Variants in CDYL2 observed in about 807,000 individuals in gnomAD.
CDYL2 encodes the protein chromodomain Y-like protein 2.
CDYL2 carries 23 observed loss-of-function variants against 49.4 expected under a neutral mutation model. The observed-to-expected ratio is 0.47, with a 90% confidence interval of 0.34 to 0.66. CDYL2 has a LOEUF of 0.66. Ranked by LOEUF, CDYL2 falls within the 30% of genes least tolerant of loss-of-function variation. The pLI is 0.01. For synonymous variants in CDYL2, 360 were observed against 268.8 expected, an observed-to-expected ratio of 1.34 and a Z score of -3.32; for missense variants, 678 against 656.4, an observed-to-expected ratio of 1.03 and a Z score of -0.36.
chr16:80,666,383 T>A (rs1367816608), intron 2 of CDYL2, among the ~76,000 whole-genome samples: 2 of 152,192 alleles, frequency 1.3e-5, no homozygotes, highest in African/African-American at 4.8e-5. Flanking sequence ...ATTACATGAT[T>A]TGGGCATTCG....
intron 6 of CDYL2, among the ~76,000 whole-genome samples, chr16:80,607,837 G>C (rs144084935): frequency 9.6e-4 from 146 of 152,272 alleles, no homozygotes; most frequent in African/African-American, 3.3e-3. Context: ...AAGCAGTGAC[G>C]CTACCCTAGA....
rs560048932 is a variant in CDYL2 at position 80,612,334 on chromosome 16, C to T, written c.1218+292G>A. Among the ~76,000 whole-genome samples the T allele has an allele frequency of 3.3e-5, 5 of 152,130 alleles. No homozygotes were observed. The highest frequency in any genetic ancestry group is 7.2e-5 in the African/African-American group (3 of 41,416). ...GTTTTGTTGTTAAAGCCACTGAGACCGTGGGCTGCTTGTCACAGCACCCAG... is the reference window on the plus strand; with the variant it reads ...GTTTTGTTGTTAAAGCCACTGAGACTGTGGGCTGCTTGTCACAGCACCCAG... On this transcript the variant is annotated intron_variant, in intron 5 of 6. Transcript: ENST00000570137. The surrounding 1 kb of genome is among the most constrained non-coding windows in gnomAD (Gnocchi z 5.0).
intron 1 of CDYL2, among the ~76,000 whole-genome samples, chr16:80,771,785 A>G (rs1295543420): frequency 6.6e-6 from 1 of 152,182 alleles, no homozygotes; most frequent in Non-Finnish European, 1.5e-5. Context: ...AGTAAAAAAT[A>G]TAATGCCCAA....
intron 2 of CDYL2, chr16:80,670,793 C>G: frequency 2.5e-6 from 1 of 402,648 alleles, no homozygotes. Flanking sequence ...ATCGAGGCCT[C>G]GAGGCTGGCG....
At chr16:80,749,052 C>G (rs941004217) in intron 1 of CDYL2, among the ~76,000 whole-genome samples, 51 of 152,150 alleles carry the variant, frequency 3.4e-4, no homozygotes, top group African/African-American at 1.0e-3. Context: ...GTGGTTCTAA[C>G]TGTACCTAAA....
chr16:80,622,666 C>A lies in CDYL2; in HGVS notation c.835-1731G>T, dbSNP rs1200570809. 2.0e-5 allele frequency among the ~76,000 whole-genome samples: 3 copies of A among 152,146 alleles called. No homozygotes were observed. In the South Asian group the frequency reaches 6.2e-4, roughly 32 times the overall value. Reference sequence around the variant, plus strand: ...ACTCCCTCATAGCCCTTTTCCTCAACTTCAGAGGAAATTAGGCAGGCTGCT... The same window carrying A: ...ACTCCCTCATAGCCCTTTTCCTCAAATTCAGAGGAAATTAGGCAGGCTGCT... On this transcript the variant is annotated intron_variant, in intron 3 of 6. Transcript: ENST00000570137.
intron 4 of CDYL2, among the ~76,000 whole-genome samples, chr16:80,615,507 C>T (rs1324021060): frequency 2.6e-5 from 4 of 152,042 alleles, no homozygotes; most frequent in African/African-American, 9.7e-5. Context: ...CTCTGCTGGA[C>T]GTTTTTAATA....
intron 2 of CDYL2, among the ~76,000 whole-genome samples, chr16:80,654,172 C>G (rs1269104970): frequency 6.6e-6 from 1 of 152,280 alleles, no homozygotes; most frequent in Admixed American, 6.5e-5. Context: ...ATGTGCTCAG[C>G]GCTCTGCCGG....
At chr16:80,634,859 CAAAG>C (rs1907745249) in intron 2 of CDYL2, among the ~76,000 whole-genome samples, 1 of 151,974 alleles carries the variant, frequency 6.6e-6, no homozygotes, top group African/African-American at 2.4e-5. Flanking sequence ...AATAAGCTAA[CAAAG>C]AAAGCATCAA....
In CDYL2 at chr16:80,765,114, G is replaced by A. The variant is rs757443982; in HGVS notation, c.24+39036C>T. 4.6e-4 allele frequency among the ~76,000 whole-genome samples: 61 copies of A among 133,826 alleles called. No individual in the cohort carries two copies. In the Middle Eastern group the frequency reaches 0.012, roughly 26 times the overall value. 87.8% of individuals were successfully genotyped at this position (133,826 alleles called of 152,430 possible). A position where few individuals can be genotyped will look rare whatever the true frequency, so the allele number is the denominator to read the frequency against. Reference sequence around the variant, plus strand: ...CATATAATATATACTAATATATATTGTATAACATATAGTACTATATAATAT... The same window carrying A: ...CATATAATATATACTAATATATATTATATAACATATAGTACTATATAATAT... On this transcript the variant is annotated intron_variant, in intron 1 of 6. Coordinates refer to ENST00000570137, the MANE Select transcript of CDYL2 (RefSeq NM_152342.4).
chr16:80,743,741 A>G (rs12445147), intron 1 of CDYL2, among the ~76,000 whole-genome samples: 70,008 of 152,016 alleles, frequency 0.46, 18,070 homozygotes, highest in Middle Eastern at 0.61. Flanking sequence ...TCTATAATAT[A>G]TATCAGTTCA....
At chr16:80,679,483 T>A (rs1459137880) in intron 2 of CDYL2, among the ~76,000 whole-genome samples, 1 of 152,130 alleles carries the variant, frequency 6.6e-6, no homozygotes, top group Non-Finnish European at 1.5e-5. Context: ...GTTTCTCTCC[T>A]AATTCCAACC....
intron 1 of CDYL2, among the ~76,000 whole-genome samples, chr16:80,772,327 T>A (rs572885202): frequency 6.6e-6 from 1 of 152,094 alleles, no homozygotes; most frequent in African/African-American, 2.4e-5. Flanking sequence ...ATAATAACAA[T>A]TTCCAATGGG....
chr16:80,647,044 T>C (rs1295651955), intron 2 of CDYL2, among the ~76,000 whole-genome samples: 1 of 152,110 alleles, frequency 6.6e-6, no homozygotes, highest in African/African-American at 2.4e-5. Flanking sequence ...CAAAAATCAA[T>C]AGCATTTCTA....
At chr16:80,754,483 C>A (rs1567595820) in intron 1 of CDYL2, among the ~76,000 whole-genome samples, 2 of 152,144 alleles carry the variant, frequency 1.3e-5, no homozygotes, top group African/African-American at 4.8e-5. Flanking sequence ...GGAAAATATA[C>A]CAGAATCCGA....
chr16:80,774,745 T>A (rs900725401), intron 1 of CDYL2, among the ~76,000 whole-genome samples: 1 of 152,016 alleles, frequency 6.6e-6, no homozygotes, highest in African/African-American at 2.4e-5. Flanking sequence ...GAAGAGTATT[T>A]TCAACACTTC....
At chr16:80,730,843 C>T (rs189639282) in intron 1 of CDYL2, among the ~76,000 whole-genome samples, 7 of 152,116 alleles carry the variant, frequency 4.6e-5, no homozygotes, top group Admixed American at 4.6e-4. Context: ...CTTAAAGAAG[C>T]CAGACAAAAG....
chr16:80,793,647 G>T (rs1197133425), intron 1 of CDYL2, among the ~76,000 whole-genome samples: 1 of 152,182 alleles, frequency 6.6e-6, no homozygotes, highest in Non-Finnish European at 1.5e-5. Flanking sequence ...CATGGTCCCT[G>T]CCCTCACCGA....
At chr16:80,622,758 C>T (rs2142378197) in intron 3 of CDYL2, among the ~76,000 whole-genome samples, 1 of 152,274 alleles carries the variant, frequency 6.6e-6, no homozygotes, top group East Asian at 1.9e-4. Context: ...ATTTAAAAGA[C>T]TGTAAAGAGT....
Sources: gnomAD v4.1 joint callset for allele counts (sites outside exome capture counted in the v4.1 genomes callset) on GRCh38, gnomAD v4.1.1 for gene constraint, Gnocchi (gnomAD v3.1) non-coding constraint, MANE v1.5 for transcripts, NCBI Gene and HGNC (gene_info 2026-07-23, HGNC 2026-07-21) for gene names.